The following VWA5B1 variants were observed in gnomAD, a reference collection of about 807,000 sequenced individuals.
The protein encoded by VWA5B1 is von Willebrand factor A domain containing 5B1, also known as von Willebrand factor A domain-containing protein 5B1.
A neutral mutation model predicts 118.2 loss-of-function variants in VWA5B1; 115 were observed. The ratio of observed to expected loss-of-function variants is 0.97; its 90% CI spans 0.84 to 1.14. VWA5B1 has a LOEUF of 1.14. Among genes scored for constraint, VWA5B1 ranks in the 50% most tolerant of loss-of-function variants. The probability of loss-of-function intolerance (pLI) is 0.00; values close to 1 mark genes in which losing one functional copy is unlikely to be tolerated. For synonymous variants in VWA5B1, 682 were observed against 658.4 expected (o/e 1.04, Z -0.55); for missense variants, 1,596 against 1,603.8 (o/e 1.00, Z 0.08).
intron 4 of VWA5B1, among the ~76,000 whole-genome samples, chr1:20,316,517 A>G (rs1000385097): frequency 6.6e-6 from 1 of 152,156 alleles, no homozygotes; most frequent in Non-Finnish European, 1.5e-5. Flanking sequence ...GCACAATCAC[A>G]CCCAAATGCT....
At chr1:20,320,567 T>G (rs2089176611) in intron 7 of VWA5B1, among the ~76,000 whole-genome samples, 2 of 152,334 alleles carry the variant, frequency 1.3e-5, no homozygotes, top group South Asian at 2.1e-4. Flanking sequence ...CTCCCAGGCC[T>G]GGGGCTGGCT....
Position 20,314,513 on chromosome 1 carries a change from C to T in VWA5B1, c.484C>T (p.Leu162Phe). ...GCTGCCCAGCGGGGCTGTGAGGGTCCTTCTGCCTGCTGTCTGTGCCCCAAC... is the reference window on the plus strand; with the variant it reads ...GCTGCCCAGCGGGGCTGTGAGGGTCTTTCTGCCTGCTGTCTGTGCCCCAAC... ...PTLPSGAVRV[L>F]LPAVCAPTVP... is the part of the protein sequence containing the mutation. The change falls in exon 4 of 22, where the codon CTT (leucine) becomes TTT (phenylalanine). Residue 162 changes from leucine to phenylalanine, a missense_variant. By Grantham distance (22) the Leu-to-Phe change is conservative. Coordinates refer to ENST00000289815, the MANE Select transcript of VWA5B1 (RefSeq NM_001039500.3). The T allele has an allele frequency of 6.4e-7, 1 of 1,551,752 alleles. No homozygotes were observed. Among genetic ancestry groups the T allele is most frequent in the South Asian group, 1.2e-5 (1 of 84,062 alleles).
rs1312638762 is a variant in VWA5B1 at position 20,357,525 on chromosome 1, A to G, written c.*3262A>G. ...ACTAGGTCGCAAAATGCTGGTCTAGATCTCTCTTAGGGCTCCTGCGGCACT... is the reference window on the plus strand; with the variant it reads ...ACTAGGTCGCAAAATGCTGGTCTAGGTCTCTCTTAGGGCTCCTGCGGCACT... On this transcript the variant is annotated 3_prime_UTR_variant, in exon 22 of 22. Coordinates refer to ENST00000289815, the MANE Select transcript of VWA5B1 (RefSeq NM_001039500.3). Among the ~76,000 whole-genome samples the G allele has an allele frequency of 3.3e-5, 5 of 152,154 alleles. No individual in the cohort carries two copies. The highest frequency in any genetic ancestry group is 7.3e-5 in the Non-Finnish European group (5 of 68,034).
intron 4 of VWA5B1, among the ~76,000 whole-genome samples, chr1:20,316,579 C>T (rs1318171715): frequency 2.0e-5 from 3 of 152,060 alleles, no homozygotes; most frequent in African/African-American, 7.3e-5. Context: ...GATTAAAGAC[C>T]TTAGGGGGTG....
At chr1:20,332,734 T>A (rs2089605978) in intron 11 of VWA5B1, 32 bp from the exon 12 acceptor site, 3 of 1,547,826 alleles carry the variant, frequency 1.9e-6, no homozygotes, top group African/African-American at 1.4e-5. Flanking sequence ...TTCTCATACA[T>A]CCCCCAACTG....
rs1030227758 is a variant in VWA5B1 at position 20,314,697 on chromosome 1, G to A, written c.563+105G>A. The A allele has an allele frequency of 3.4e-6, 5 of 1,475,032 alleles. No individual in the cohort carries two copies. The African/African-American group carries it at 7.0e-5, about 21-fold the overall frequency. 91.4% of individuals were successfully genotyped at this position (1,475,032 alleles called of 1,614,324 possible). A position where few individuals can be genotyped will look rare whatever the true frequency, so the allele number is the denominator to read the frequency against. On this transcript the variant is annotated intron_variant, in intron 4 of 21. Transcript: ENST00000289815. ...GGTGGGGGGAGACAGGGAGGAGATGGGGAGGCTCTGCTCTACGATTGCCAC... is the reference window on the plus strand; with the variant it reads ...GGTGGGGGGAGACAGGGAGGAGATGAGGAGGCTCTGCTCTACGATTGCCAC...
At chr1:20,328,758 C>A (rs2089460818) in intron 9 of VWA5B1, among the ~76,000 whole-genome samples, 1 of 152,010 alleles carries the variant, frequency 6.6e-6, no homozygotes, top group Non-Finnish European at 1.5e-5. Flanking sequence ...ACAATGACAA[C>A]AACAAAAGAA....
At chr1:20,335,647 T>G (rs2089693390) in intron 12 of VWA5B1, among the ~76,000 whole-genome samples, 1 of 152,252 alleles carries the variant, frequency 6.6e-6, no homozygotes, top group Non-Finnish European at 1.5e-5. Context: ...TTATGTGCTG[T>G]ATTCTTACAA....
intron 9 of VWA5B1, among the ~76,000 whole-genome samples, chr1:20,329,231 A>C (rs2089471726): frequency 6.8e-6 from 1 of 146,472 alleles, no homozygotes; most frequent in African/African-American, 2.5e-5. Context: ...CTACACATAC[A>C]TCTTAAGACT....
intron 1 of VWA5B1, among the ~76,000 whole-genome samples, chr1:20,304,390 G>A (rs534751388): frequency 6.6e-6 from 1 of 152,290 alleles, no homozygotes; most frequent in African/African-American, 2.4e-5. Flanking sequence ...ATGATGAGAG[G>A]GTCAGTGTGT....
At chr1:20,304,436 G>A (rs1219226769) in intron 1 of VWA5B1, among the ~76,000 whole-genome samples, 1 of 152,166 alleles carries the variant, frequency 6.6e-6, no homozygotes, top group African/African-American at 2.4e-5. Context: ...GTGGAGGGCG[G>A]TGGCACTGGA....
At chr1:20,333,807 A>G (rs2089640012) in intron 12 of VWA5B1, among the ~76,000 whole-genome samples, 1 of 152,182 alleles carries the variant, frequency 6.6e-6, no homozygotes, top group South Asian at 2.1e-4. Context: ...TTCCTCACCT[A>G]TCTTTCCTCT....
chr1:20,311,522 T>A (rs2088848348), intron 2 of VWA5B1, among the ~76,000 whole-genome samples: 1 of 152,236 alleles, frequency 6.6e-6, no homozygotes, highest in Non-Finnish European at 1.5e-5. Context: ...CAGGACTTTG[T>A]GGACTGAGAA....
chr1:20,321,325 C>G (rs2089208292), intron 7 of VWA5B1, among the ~76,000 whole-genome samples: 1 of 152,076 alleles, frequency 6.6e-6, no homozygotes, highest in African/African-American at 2.4e-5. Context: ...GGTGGCTTAC[C>G]CCTGCAATCG....
In VWA5B1 at chr1:20,353,859, T is replaced by C; in HGVS notation, c.3244T>C (p.Cys1082Arg). 6.5e-7 allele frequency: 1 copy of C among 1,540,192 alleles called. No homozygotes were observed. The highest frequency in any genetic ancestry group is 1.2e-5 in the South Asian group (1 of 81,588). ...EKLKWTSPFT[C>R]HRVSLTTRPS... Reference sequence around the variant, plus strand: ...GCTCAAGTGGACGTCCCCCTTCACCTGCCATCGAGTGTCCCTCACCACCCG... The same window carrying C: ...GCTCAAGTGGACGTCCCCCTTCACCCGCCATCGAGTGTCCCTCACCACCCG... The change falls in exon 22 of 22, where the codon TGC becomes CGC. Residue 1082 changes from cysteine (C) to arginine (R), a missense_variant. Cys to Arg is a radical substitution (Grantham distance 180, BLOSUM62 -3). Transcript: ENST00000289815.
intron 8 of VWA5B1, among the ~76,000 whole-genome samples, chr1:20,326,593 G>A (rs565453051): frequency 4.6e-5 from 7 of 152,116 alleles, no homozygotes; most frequent in Non-Finnish European, 7.4e-5. Flanking sequence ...AGCCTCCTGA[G>A]TAGCTGGGAT....
rs1230681884 is a variant in VWA5B1 at position 20,358,938 on chromosome 1, A to G, written c.*4675A>G. On this transcript the variant is annotated 3_prime_UTR_variant, in exon 22 of 22. Coordinates refer to ENST00000289815, the MANE Select transcript of VWA5B1 (RefSeq NM_001039500.3). ...GGCAGCAGCTCCTGGCCACGCCTAC[A>G]GCTCCCAACCGTGGACCTCTCTGCC... Among the ~76,000 whole-genome samples the G allele has an allele frequency of 1.3e-5, 2 of 152,138 alleles. No homozygotes were observed. Among genetic ancestry groups the G allele is most frequent in the Admixed American group, 6.5e-5 (1 of 15,284 alleles).
At chr1:20,325,153 G>T (rs968293494) in intron 8 of VWA5B1, among the ~76,000 whole-genome samples, 1 of 152,218 alleles carries the variant, frequency 6.6e-6, no homozygotes, top group Non-Finnish European at 1.5e-5. Flanking sequence ...GAGAGAGCCT[G>T]GGCCTTCTAT....
chr1:20,301,738 G>A (rs2088509081), intron 1 of VWA5B1, among the ~76,000 whole-genome samples: 1 of 152,226 alleles, frequency 6.6e-6, no homozygotes, highest in African/African-American at 2.4e-5. Context: ...CTTTTCAGCG[G>A]AGCCACAGGG....
Sources: gnomAD v4.1 joint callset for allele counts (sites outside exome capture counted in the v4.1 genomes callset) on GRCh38, gnomAD v4.1.1 for gene constraint, MANE v1.5 for transcripts, NCBI Gene and HGNC (gene_info 2026-07-23, HGNC 2026-07-21) for gene names.